The following SLC6A6 variants were observed in gnomAD, a reference collection of about 807,000 sequenced individuals.
SLC6A6 encodes the protein solute carrier family 6 member 6.
A neutral mutation model predicts 68.8 loss-of-function variants in SLC6A6; 16 were observed. The observed-to-expected ratio is 0.23, with a 90% CI of 0.16 to 0.35. The LOEUF (loss-of-function observed/expected upper bound fraction) is 0.35, where lower values mean the gene tolerates loss of function less well. SLC6A6 is among the 10% of genes least tolerant of loss of function. SLC6A6 has a pLI of 1.00. For missense variants in SLC6A6, 474 were observed against 802.8 expected (o/e 0.59, Z 4.95); for synonymous variants, 312 against 315.4 (o/e 0.99, Z 0.12).
intron 2 of SLC6A6, among the ~76,000 whole-genome samples, chr3:14,425,446 T>C (rs1001634828): frequency 3.3e-5 from 5 of 152,060 alleles, no homozygotes; most frequent in African/African-American, 4.8e-5. Flanking sequence ...GGAGGAATTA[T>C]GTAGAACTCG....
intron 6 of SLC6A6, among the ~76,000 whole-genome samples, chr3:14,461,740 C>T: frequency 6.6e-6 from 1 of 152,218 alleles, no homozygotes; most frequent in East Asian, 1.9e-4. Flanking sequence ...GCCTCACCTT[C>T]CCCTTATGTG....
At chr3:14,442,805 G>A (rs1357538455) in intron 2 of SLC6A6, among the ~76,000 whole-genome samples, 1 of 152,192 alleles carries the variant, frequency 6.6e-6, no homozygotes, top group African/African-American at 2.4e-5. Context: ...GGGAGCCGGA[G>A]GGCAAGGGAA....
chr3:14,402,884 G>A lies in SLC6A6; in HGVS notation c.-54+37G>A. 2 of 390,808 alleles carry A rather than the reference G, an allele frequency of 5.1e-6. No homozygotes were observed. Among genetic ancestry groups the A allele is most frequent in the Non-Finnish European group, 9.1e-6 (2 of 220,908 alleles). The allele number at this position is 390,808 out of a possible 1,614,324, so 24.2% of individuals were successfully genotyped here. A position where few individuals can be genotyped will look rare whatever the true frequency, so the allele number is the denominator to read the frequency against. On this transcript the variant is annotated intron_variant, in intron 1 of 14. Coordinates refer to ENST00000622186, the MANE Select transcript of SLC6A6 (RefSeq NM_003043.6). The surrounding 1 kb of genome is among the most constrained non-coding windows in gnomAD (Gnocchi z 4.8). ...ACCGGGAGCTGGGCGCGCAGCCGGCGCTGCCCGCCGTCTGCAGCCCCTCCC... is the reference window on the plus strand; with the variant it reads ...ACCGGGAGCTGGGCGCGCAGCCGGCACTGCCCGCCGTCTGCAGCCCCTCCC...
chr3:14,417,221 A>C (rs1381199484), intron 2 of SLC6A6, among the ~76,000 whole-genome samples: 1 of 152,116 alleles, frequency 6.6e-6, no homozygotes, highest in African/African-American at 2.4e-5. Context: ...AAAATGGAAA[A>C]CCTTTGCTAA....
Position 14,406,000 on chromosome 3 carries a change from C to T in SLC6A6, c.-54+3153C>T, listed in dbSNP as rs563438065. Among the ~76,000 whole-genome samples the T allele has an allele frequency of 7.2e-5, 11 of 152,094 alleles. No homozygotes were observed. In the South Asian group the frequency reaches 1.7e-3, roughly 23 times the overall value. ...TTTCGCTTCCTAGAGGACACAGTGTCGGAGTTGCCATTGTCTGTGGGTGGA... is the reference window on the plus strand; with the variant it reads ...TTTCGCTTCCTAGAGGACACAGTGTTGGAGTTGCCATTGTCTGTGGGTGGA... On this transcript the variant is annotated intron_variant, in intron 1 of 14. Transcript: ENST00000622186.
Position 14,485,097 on chromosome 3 carries a change from C to A in SLC6A6, c.*90C>A. On this transcript the variant is annotated 3_prime_UTR_variant, in exon 15 of 15. Transcript: ENST00000622186. The stretch of plus-strand genomic sequence containing the variant: ...CCAGGTTTACAGAGCTTTATATTTG[C>A]ACTAGGATTTTTTTTTTTTTGTAAT... 8.6e-7 allele frequency: 1 copy of A among 1,156,948 alleles called. No individual in the cohort carries two copies. The highest frequency in any genetic ancestry group is 1.2e-6 in the Non-Finnish European group (1 of 849,254). The allele number at this position is 1,156,948 out of a possible 1,614,324, so 71.7% of individuals were successfully genotyped here.
chr3:14,483,876 G>A (rs756344776), intron 14 of SLC6A6, among the ~76,000 whole-genome samples: 52 of 152,034 alleles, frequency 3.4e-4, no homozygotes, highest in Non-Finnish European at 5.9e-4. Context: ...TAAGAGTTAG[G>A]GTCTCACTGT....
intron 1 of SLC6A6, among the ~76,000 whole-genome samples, chr3:14,408,885 C>T (rs1428918186): frequency 1.3e-5 from 2 of 152,052 alleles, no homozygotes; most frequent in African/African-American, 4.8e-5. Flanking sequence ...CAGCTCACTG[C>T]AAGCTCCGCC....
At chr3:14,409,385 G>T (rs550018991) in intron 1 of SLC6A6, among the ~76,000 whole-genome samples, 22 of 152,368 alleles carry the variant, frequency 1.4e-4, no homozygotes, top group African/African-American at 5.3e-4. Context: ...GAGAAGGGAA[G>T]GAACTCATAT....
intron 2 of SLC6A6, among the ~76,000 whole-genome samples, chr3:14,425,150 G>T (rs1699565984): frequency 6.6e-6 from 1 of 152,170 alleles, no homozygotes; most frequent in Admixed American, 6.5e-5. Context: ...TGTATTCGAG[G>T]CACTTCCTTG....
intron 12 of SLC6A6, 35 bp downstream of exon 12, chr3:14,478,603 C>T (rs1016681184): frequency 1.5e-6 from 2 of 1,310,318 alleles, no homozygotes; most frequent in Non-Finnish European, 2.2e-6. Flanking sequence ...TTTCTCAAGG[C>T]TCTCCTTTGG....
In SLC6A6 at chr3:14,485,465, G is replaced by A. The variant is rs1357462241; in HGVS notation, c.*458G>A. The stretch of plus-strand genomic sequence containing the variant: ...TGGCAGAAAGTTCTGTCCAGTAAAC[G>A]CAGGATGGAATTTTCCTGGGACTCT... On this transcript the variant is annotated 3_prime_UTR_variant, in exon 15 of 15. Transcript: ENST00000622186. The A allele has an allele frequency of 3.9e-5, 6 of 153,728 alleles. No individual in the cohort carries two copies. Among genetic ancestry groups the A allele is most frequent in the African/African-American group, 7.3e-5 (3 of 41,364 alleles). The allele number at this position is 153,728 out of a possible 1,614,324, so 9.5% of individuals were successfully genotyped here. A position where few individuals can be genotyped will look rare whatever the true frequency, so the allele number is the denominator to read the frequency against.
rs114811986 is a variant in SLC6A6, at chr3:14,426,204, C to G, written c.-12+9751C>G. ...CCTGGTATCTAAGGTCACAGCCAGG[C>G]GGTGCCCCAGAGCGCAGTGGTTACC... On this transcript the variant is annotated intron_variant, in intron 2 of 14. Coordinates refer to ENST00000622186, the MANE Select transcript of SLC6A6 (RefSeq NM_003043.6). 2.6e-3 allele frequency among the ~76,000 whole-genome samples: 400 copies of G among 152,282 alleles called. 2 individuals carry two copies. Among genetic ancestry groups the G allele is most frequent in the African/African-American group, 9.3e-3 (386 of 41,554 alleles).
intron 6 of SLC6A6, among the ~76,000 whole-genome samples, chr3:14,459,221 C>A (rs1700439455): frequency 6.6e-6 from 1 of 152,162 alleles, no homozygotes; most frequent in African/African-American, 2.4e-5. Context: ...AAAAAACCCC[C>A]AAAAGTCAAA....
chr3:14,412,461 C>A (rs1699271560), intron 1 of SLC6A6, among the ~76,000 whole-genome samples: 1 of 152,192 alleles, frequency 6.6e-6, no homozygotes, highest in Non-Finnish European at 1.5e-5. Flanking sequence ...AGGTGGATTG[C>A]TTGAGCTCAG....
At chr3:14,431,359 T>C (rs1699720468) in intron 2 of SLC6A6, among the ~76,000 whole-genome samples, 1 of 152,220 alleles carries the variant, frequency 6.6e-6, no homozygotes, top group Non-Finnish European at 1.5e-5. Context: ...CTCATCGTGC[T>C]GGGCCTTGTA....
intron 2 of SLC6A6, 92 bp downstream of exon 2, chr3:14,416,545 A>G (rs2124905487): frequency 2.5e-6 from 1 of 397,896 alleles, no homozygotes; most frequent in Admixed American, 4.4e-5. Context: ...TGTCTCCCCC[A>G]GGCTCTAGGA....
chr3:14,442,461 CA>C (rs2124942235), intron 2 of SLC6A6, among the ~76,000 whole-genome samples: 1 of 152,298 alleles, frequency 6.6e-6, no homozygotes, highest in Non-Finnish European at 1.5e-5. Flanking sequence ...CCCTTGAAGG[CA>C]GGGGACCCAG....
At chr3:14,412,195 G>A (rs1699266219) in intron 1 of SLC6A6, among the ~76,000 whole-genome samples, 1 of 152,220 alleles carries the variant, frequency 6.6e-6, no homozygotes, top group Admixed American at 6.5e-5. Context: ...CCTCTTGGTG[G>A]TTTTTCAAGA....
Sources: gnomAD v4.1 joint callset for allele counts (sites outside exome capture counted in the v4.1 genomes callset) on GRCh38, gnomAD v4.1.1 for gene constraint, Gnocchi (gnomAD v3.1) non-coding constraint, MANE v1.5 for transcripts, NCBI Gene and HGNC (gene_info 2026-07-23, HGNC 2026-07-21) for gene names.